MAPT: variants seen among roughly 807,000 people sequenced by gnomAD.
The protein encoded by MAPT is microtubule-associated protein tau.
Under a neutral mutation model 67.9 loss-of-function variants are expected in MAPT, and 34 were observed. The observed-to-expected ratio is 0.50, with a 90% CI of 0.38 to 0.67. The LOEUF (loss-of-function observed/expected upper bound fraction) is 0.67. Among genes scored for constraint, MAPT ranks in the 30% least tolerant of loss-of-function variants. The pLI is 0.00. For missense variants in MAPT, 881 were observed against 1,115.2 expected (o/e 0.79, Z 2.99); for synonymous variants, 456 against 464.5 (o/e 0.98, Z 0.23).
intron 2 of MAPT, among the ~76,000 whole-genome samples, chr17:45,967,728 G>A (rs73984654): frequency 0.045 from 6,810 of 151,882 alleles, 511 homozygotes; most frequent in African/African-American, 0.16. Context: ...AATTACTCCC[G>A]CCCCAGGTGG....
intron 8 of MAPT, among the ~76,000 whole-genome samples, chr17:45,993,103 CTGGATCT>C (rs938171830): frequency 7.9e-5 from 12 of 152,202 alleles, no homozygotes; most frequent in African/African-American, 2.9e-4. Context: ...AAAGCCTGGC[CTGGATCT>C]TGGATCTTGG....
intron 1 of MAPT, among the ~76,000 whole-genome samples, chr17:45,927,818 G>A (rs559726537): frequency 1.1e-3 from 164 of 151,910 alleles, no homozygotes; most frequent in Admixed American, 2.2e-3. Flanking sequence ...GGCTAACATG[G>A]TGAAACCCCA....
intron 1 of MAPT, among the ~76,000 whole-genome samples, chr17:45,899,841 T>C (rs936331621): frequency 2.0e-5 from 3 of 152,150 alleles, no homozygotes; most frequent in African/African-American, 7.2e-5. Flanking sequence ...AGCAAATATC[T>C]CTTCCTAAGG....
intron 9 of MAPT, among the ~76,000 whole-genome samples, chr17:46,003,618 CA>C (rs1283322229): frequency 2.6e-5 from 4 of 152,120 alleles, no homozygotes; most frequent in Admixed American, 2.6e-4. Context: ...CCCCAGTTGT[CA>C]CTTTAAAAAG....
At chr17:45,981,856 A>G (rs546457946) in intron 4 of MAPT, among the ~76,000 whole-genome samples, 74 of 152,044 alleles carry the variant, frequency 4.9e-4, no homozygotes, top group Non-Finnish European at 7.9e-4. Context: ...CTCCACAAAA[A>G]TGAAAAATAA....
chr17:46,000,778 C>T (rs2074937124), intron 9 of MAPT, among the ~76,000 whole-genome samples: 1 of 152,166 alleles, frequency 6.6e-6, no homozygotes, highest in Admixed American at 6.5e-5. Flanking sequence ...CAGCTCTATC[C>T]CTATTTGCAG....
intron 1 of MAPT, among the ~76,000 whole-genome samples, chr17:45,951,066 C>T (rs1280399754): frequency 2.6e-5 from 4 of 152,296 alleles, no homozygotes; most frequent in Admixed American, 1.3e-4. Flanking sequence ...AGCACGGAGC[C>T]GTGCCAAGAT....
intron 1 of MAPT, among the ~76,000 whole-genome samples, chr17:45,949,754 C>T (rs1407791852): frequency 6.6e-6 from 1 of 152,092 alleles, no homozygotes; most frequent in Non-Finnish European, 1.5e-5. Flanking sequence ...AAGGAGCTTT[C>T]TAGAACCTGA....
intron 7 of MAPT, chr17:45,990,389 G>A (rs938839188): frequency 6.5e-6 from 3 of 463,158 alleles, no homozygotes; most frequent in Non-Finnish European, 1.2e-5. Flanking sequence ...CGAGGAGGGT[G>A]GATCACCTGA....
intron 3 of MAPT, chr17:45,973,593 C>T (rs1020442674): frequency 5.9e-5 from 9 of 152,240 alleles, no homozygotes; most frequent in African/African-American, 2.2e-4. Flanking sequence ...TTAAAATGTC[C>T]TTCATTGAAC....
intron 4 of MAPT, chr17:45,978,657 G>C (rs1437515828): frequency 1.7e-6 from 1 of 572,850 alleles, no homozygotes; most frequent in African/African-American, 1.9e-5. Flanking sequence ...AAGGCATTTA[G>C]TGTTCTGAAA....
At chr17:45,976,558 T>G (rs957916129) in intron 3 of MAPT, 27 of 152,330 alleles carry the variant, frequency 1.8e-4, no homozygotes, top group Admixed American at 1.4e-3. Context: ...TTCTTGGCGC[T>G]CCAGTGAAAC....
chr17:46,002,990 C>T (rs1002129001), intron 9 of MAPT, among the ~76,000 whole-genome samples: 1 of 152,028 alleles, frequency 6.6e-6, no homozygotes, highest in African/African-American at 2.4e-5. Context: ...CACTGTGTCG[C>T]CCAGGATGGT....
rs1341253434 is a variant in MAPT, at chr17:45,897,896, C to G, written c.-18+3210C>G. ...TACAGGAGACAGGGAAATGTCTTTCCTACCGCGGTTGATTCTGGGGTGTCA... is the reference window on the plus strand; with the variant it reads ...TACAGGAGACAGGGAAATGTCTTTCGTACCGCGGTTGATTCTGGGGTGTCA... On this transcript the variant is annotated intron_variant, in intron 1 of 12. Coordinates refer to ENST00000262410, the MANE Select transcript of MAPT (RefSeq NM_001377265.1). This position sits in a 1 kb window ranked among gnomAD's most constrained non-coding sequence, Gnocchi z 5.0. 6.6e-6 allele frequency: 1 copy of G among 152,172 alleles called. No individual in the cohort carries two copies. Among genetic ancestry groups the G allele is most frequent in the African/African-American group, 2.4e-5 (1 of 41,404 alleles). 9.4% of individuals were successfully genotyped at this position (152,172 alleles called of 1,614,324 possible).
intron 1 of MAPT, among the ~76,000 whole-genome samples, chr17:45,900,307 G>A (rs1200673069): frequency 6.6e-6 from 1 of 152,188 alleles, no homozygotes; most frequent in East Asian, 1.9e-4. Flanking sequence ...GTCTCCAGGT[G>A]CCATGCTCCT....
At chr17:45,929,284 T>C (rs1364065902) in intron 1 of MAPT, among the ~76,000 whole-genome samples, 4 of 152,224 alleles carry the variant, frequency 2.6e-5, no homozygotes, top group Admixed American at 2.6e-4. Context: ...GTAATTATAC[T>C]CATTACACAG....
chr17:45,938,236 G>A (rs962959409), intron 1 of MAPT, among the ~76,000 whole-genome samples: 8 of 152,192 alleles, frequency 5.3e-5, no homozygotes, highest in Non-Finnish European at 1.0e-4. Flanking sequence ...GCAAGGTTGC[G>A]GTCCTTTCTG....
At chr17:45,943,243 T>A (rs1188247672) in intron 1 of MAPT, among the ~76,000 whole-genome samples, 1 of 152,166 alleles carries the variant, frequency 6.6e-6, no homozygotes, top group African/African-American at 2.4e-5. Context: ...TTAGTAAAGA[T>A]GTTGTTTTGC....
Position 46,026,251 on chromosome 17 carries a change from C to G in MAPT, c.*2080C>G, listed in dbSNP as rs1446479272. The G allele has an allele frequency of 1.3e-5, 2 of 152,734 alleles. No homozygotes were observed. The highest frequency in any genetic ancestry group is 4.8e-5 in the African/African-American group (2 of 41,432). The allele number at this position is 152,734 out of a possible 1,614,324, so 9.5% of individuals were successfully genotyped here. On this transcript the variant is annotated 3_prime_UTR_variant, in exon 13 of 13. Coordinates refer to ENST00000262410, the MANE Select transcript of MAPT (RefSeq NM_001377265.1). ...AGTTTTGAAAGGCTTTCCTCAGCAC[C>G]TGGGACCCAACAGAGACCAGCTTCT...
Sources: allele counts gnomAD v4.1 joint callset (sites outside exome capture counted in the v4.1 genomes callset), GRCh38; gene constraint gnomAD v4.1.1; non-coding constraint Gnocchi (gnomAD v3.1); transcripts MANE v1.5; gene names NCBI Gene and HGNC (gene_info 2026-07-23, HGNC 2026-07-21).